Variants in PCDHA7 observed in about 807,000 individuals in gnomAD.
PCDHA7 encodes protocadherin alpha 7.
A neutral mutation model predicts 57.2 loss-of-function variants in PCDHA7; 37 were observed. The observed-to-expected ratio is 0.65, with a 90% CI of 0.50 to 0.85. The LOEUF (loss-of-function observed/expected upper bound fraction) is 0.85, where lower values mean the gene tolerates loss of function less well. Ranked by LOEUF, PCDHA7 falls within the 40% of genes least tolerant of loss-of-function variation. The pLI, the probability that PCDHA7 is intolerant of heterozygous loss-of-function variation, is 0.00. For synonymous variants in PCDHA7, 553 were observed against 558.8 expected (o/e 0.99, Z 0.15); for missense variants, 1,188 against 1,241.8 (o/e 0.96, Z 0.65).
At chr5:140,887,930 A>G (rs1276226662) in intron 1 of PCDHA7, among the ~76,000 whole-genome samples, 1 of 152,096 alleles carries the variant, frequency 6.6e-6, no homozygotes, top group Non-Finnish European at 1.5e-5. Context: ...CAGAGACCAT[A>G]TTTATTTCTT....
chr5:140,985,494 C>G (rs1217361161), intron 3 of PCDHA7, among the ~76,000 whole-genome samples: 2 of 152,136 alleles, frequency 1.3e-5, no homozygotes, highest in Non-Finnish European at 2.9e-5. Flanking sequence ...TCAAATAGAG[C>G]CTGCCTTTCA....
In PCDHA7 at chr5:140,836,672, C is replaced by G. The variant is rs2150267448; in HGVS notation, c.2289C>G (p.Gly763=). The G allele has an allele frequency of 1.2e-6, 2 of 1,613,274 alleles. No homozygotes were observed. Among genetic ancestry groups the G allele is most frequent in the Non-Finnish European group, 1.7e-6 (2 of 1,179,490 alleles). ...GGCAGAGGGTGTGCTCTGGGGAGGG[C>G]CCACCCAAGACAGACCTCATGGCCT... The part of the protein sequence containing the change: ...QRRQRVCSGE[G]PPKTDLMAFS... Residue 763 remains glycine, a synonymous_variant, in exon 1 of 4, where the codon GGC becomes GGG. Coordinates refer to ENST00000525929, the MANE Select transcript of PCDHA7 (RefSeq NM_018910.3).
Position 140,918,319 on chromosome 5 carries a change from A to T in PCDHA7, c.2356-60630A>T, listed in dbSNP as rs568659309. Among the ~76,000 whole-genome samples, 8 of 152,266 alleles carry T rather than the reference A, an allele frequency of 5.3e-5. No individual in the cohort carries two copies. In the South Asian group the frequency reaches 1.7e-3, roughly 32 times the overall value. ...GAATATAGGGTTTTCTAGGTATAAAATTATATTGTCTGCTAAGAGAGATAG... is the reference window on the plus strand; with the variant it reads ...GAATATAGGGTTTTCTAGGTATAAATTTATATTGTCTGCTAAGAGAGATAG... On this transcript the variant is annotated intron_variant, in intron 1 of 3. Coordinates refer to ENST00000525929, the MANE Select transcript of PCDHA7 (RefSeq NM_018910.3).
intron 1 of PCDHA7, chr5:140,871,680 A>G: frequency 9.0e-7 from 1 of 1,108,842 alleles, no homozygotes; most frequent in Admixed American, 3.1e-5. Flanking sequence ...AATCATATGA[A>G]TAATCTGGCT....
chr5:140,883,075 T>A (rs969917261), intron 1 of PCDHA7: 8 of 1,614,134 alleles, frequency 5.0e-6, no homozygotes, highest in Non-Finnish European at 6.8e-6. Flanking sequence ...CCACAGATCC[T>A]GATGATGGTA....
chr5:140,871,180 G>C (rs376198166), intron 1 of PCDHA7: 48 of 1,613,470 alleles, frequency 3.0e-5, no homozygotes, highest in Non-Finnish European at 3.9e-5. Context: ...GGCTGCGCTG[G>C]TGGATGTCAA....
chr5:140,870,560 A>G, intron 1 of PCDHA7: 1 of 1,614,000 alleles, frequency 6.2e-7, no homozygotes, highest in Middle Eastern at 1.7e-4. Flanking sequence ...GCGCAGGAGA[A>G]CGCGCTGGTG....
At chr5:140,909,582 T>G (rs1407869706) in intron 1 of PCDHA7, among the ~76,000 whole-genome samples, 1 of 152,298 alleles carries the variant, frequency 6.6e-6, no homozygotes, top group Non-Finnish European at 1.5e-5. Flanking sequence ...TGTGATATGT[T>G]TTTTGATTTA....
intron 1 of PCDHA7, among the ~76,000 whole-genome samples, chr5:140,973,873 G>A (rs546928847): frequency 3.3e-5 from 5 of 152,292 alleles, no homozygotes; most frequent in African/African-American, 1.2e-4. Flanking sequence ...TGAGAGGTCA[G>A]AATAATGTCA....
chr5:140,970,894 C>T (rs1302694264), intron 1 of PCDHA7, among the ~76,000 whole-genome samples: 1 of 152,090 alleles, frequency 6.6e-6, no homozygotes, highest in Non-Finnish European at 1.5e-5. Context: ...ATGGACATTT[C>T]AGATAGATTT....
intron 1 of PCDHA7, chr5:140,927,658 C>G (rs782350503): frequency 6.2e-7 from 1 of 1,614,094 alleles, no homozygotes; most frequent in East Asian, 2.2e-5. Context: ...ATTCCGAGTT[C>G]AAGCCTTGGA....
intron 1 of PCDHA7, chr5:140,868,884 T>C: frequency 1.4e-6 from 1 of 728,466 alleles, no homozygotes; most frequent in East Asian, 2.8e-5. Flanking sequence ...ACTCACAGTT[T>C]TAGGCGCAAG....
At chr5:140,871,536 A>G in intron 1 of PCDHA7, 1 of 1,507,188 alleles carries the variant, frequency 6.6e-7, no homozygotes, top group East Asian at 2.4e-5. Context: ...AGTGTATGTG[A>G]AATTATTTAA....
chr5:140,928,642 G>A (rs2085397273), intron 1 of PCDHA7: 2 of 1,614,114 alleles, frequency 1.2e-6, no homozygotes, highest in Non-Finnish European at 8.5e-7. Flanking sequence ...CACAAAAGTG[G>A]TAGCAGAGGA....
chr5:140,877,074 G>A (rs1554169286), intron 1 of PCDHA7: 1 of 1,613,132 alleles, frequency 6.2e-7, no homozygotes, highest in Non-Finnish European at 8.5e-7. Flanking sequence ...TGCAGTTCCA[G>A]GTGAGCGCGC....
chr5:140,862,306 C>G (rs184682479), intron 1 of PCDHA7: 1 of 279,556 alleles, frequency 3.6e-6, no homozygotes, highest in East Asian at 8.6e-5. Context: ...CACTGGGTAC[C>G]GTCATAGCCC....
At chr5:140,870,465 C>T (rs781918898) in intron 1 of PCDHA7, 1 of 1,614,208 alleles carries the variant, frequency 6.2e-7, no homozygotes, top group Non-Finnish European at 8.5e-7. Context: ...CGCCTGCGTT[C>T]GCACAGCCCG....
intron 1 of PCDHA7, chr5:140,863,533 G>A: frequency 2.6e-6 from 1 of 389,860 alleles, no homozygotes; most frequent in Non-Finnish European, 5.0e-6. Flanking sequence ...TTCAGATTTT[G>A]GAGATGGACT....
rs114173550 is a variant in PCDHA7, at chr5:140,996,928, G to T, written c.2504-12699G>T. Among the ~76,000 whole-genome samples the T allele has an allele frequency of 1.8e-3, 279 of 152,148 alleles. 1 individual carries two copies. Among genetic ancestry groups the T allele is most frequent in the Non-Finnish European group, 3.0e-3 (203 of 67,996 alleles). ...GTTGAAGTAAATATTAAAAAATATA[G>T]CATTTTTGCATAGAAATATTTATTT... On this transcript the variant is annotated intron_variant, in intron 3 of 3. Coordinates refer to ENST00000525929, the MANE Select transcript of PCDHA7 (RefSeq NM_018910.3).
Sources: allele counts gnomAD v4.1 joint callset (sites outside exome capture counted in the v4.1 genomes callset), GRCh38; gene constraint gnomAD v4.1.1; transcripts MANE v1.5; gene names NCBI Gene and HGNC (gene_info 2026-07-23, HGNC 2026-07-21).